Variants in MSLN observed in about 807,000 individuals in gnomAD.
The protein encoded by MSLN is mesothelin.
In MSLN, 82 loss-of-function variants were observed where a neutral mutation model predicts 72.6. That is an observed-to-expected ratio of 1.13 (90% CI 0.94 to 1.36). The LOEUF (loss-of-function observed/expected upper bound fraction) is 1.36, where lower values mean the gene tolerates loss of function less well. Ranked by LOEUF, MSLN falls within the 40% of genes most tolerant of loss-of-function variation. The pLI is 0.00. For synonymous variants in MSLN, 456 were observed against 387.3 expected, an observed-to-expected ratio of 1.18 and a Z score of -2.08; for missense variants, 1,005 against 847.9, an observed-to-expected ratio of 1.19 and a Z score of -2.30.
chr16:766,614 G>A (rs374912140), intron 13 of MSLN, 54 bp from the exon 14 acceptor site: 32 of 1,610,990 alleles, frequency 2.0e-5, no homozygotes, highest in African/African-American at 4.0e-5. Flanking sequence ...TATGCTGGTG[G>A]TGGAGGGATA....
Position 768,517 on chromosome 16 carries a change from C to G in MSLN, c.1735C>G (p.Gln579Glu). The change falls in exon 17 of 18, where the codon CAG becomes GAG. Residue 579 changes from glutamine (Q) to glutamate (E), a missense_variant. By Grantham distance (29) the Gln-to-Glu change is conservative. Coordinates refer to ENST00000545450, the MANE Select transcript of MSLN (RefSeq NM_005823.6). ...DDLDTLGLGL[Q>E]GGIPNGYLVL... is the part of the protein sequence containing the mutation. Reference sequence around the variant, plus strand: ...CCTGGACACGCTGGGGCTGGGGCTACAGGGCGGCATCCCCAACGGCTACCT... The same window carrying G: ...CCTGGACACGCTGGGGCTGGGGCTAGAGGGCGGCATCCCCAACGGCTACCT... 1.3e-6 allele frequency: 2 copies of G among 1,597,870 alleles called. No individual in the cohort carries two copies. Among genetic ancestry groups the G allele is most frequent in the Non-Finnish European group, 1.7e-6 (2 of 1,171,068 alleles).
In MSLN at chr16:768,734, G is replaced by C; in HGVS notation, c.*1G>C. 6.2e-7 allele frequency: 1 copy of C among 1,610,220 alleles called. No individual in the cohort carries two copies. The highest frequency in any genetic ancestry group is 8.5e-7 in the Non-Finnish European group (1 of 1,179,424). On this transcript the variant is annotated 3_prime_UTR_variant, in exon 18 of 18. Transcript: ENST00000545450. Reference sequence around the variant, plus strand: ...GCTCCTAGCCTCCACCCTGGCCTGAGGGCCCCACTCCCTTGCTGGCCCCAG... The same window carrying C: ...GCTCCTAGCCTCCACCCTGGCCTGACGGCCCCACTCCCTTGCTGGCCCCAG...
chr16:763,947 G>C (rs2041569300), intron 5 of MSLN, 76 bp from the exon 6 acceptor site: 1 of 1,570,264 alleles, frequency 6.4e-7, no homozygotes, highest in Non-Finnish European at 8.6e-7. Context: ...AGGTGGGGCT[G>C]TGGGGCTTGG....
Position 766,818 on chromosome 16 carries a change from C to T in MSLN, c.1373+8C>T, listed in dbSNP as rs1188370882. 3 of 1,612,396 alleles carry T rather than the reference C, an allele frequency of 1.9e-6. No individual in the cohort carries two copies. Among genetic ancestry groups the T allele is most frequent in the African/African-American group, 2.7e-5 (2 of 75,040 alleles). On this transcript the variant is annotated splice_region_variant and intron_variant, in intron 14 of 17. Transcript: ENST00000545450. ...GCCCCCCAGCAGCATCTGGTGAGTC[C>T]CCAGAACTCTGCCCGGCAAGGTGGG... is the stretch of plus-strand genomic sequence containing the variant.
Position 766,995 on chromosome 16 carries a change from A to C in MSLN, c.1484A>C (p.Lys495Thr). ...QNMNGSEYFV[K>T]IQSFLGGAPT... ...ATGAACGGGTCCGAATACTTCGTGA[A>C]GATCCAGTCCTTCCTGGGTGAGCCA... The change falls in exon 15 of 18, where the codon AAG becomes ACG. Residue 495 changes from lysine (K) to threonine (T), a missense_variant. Transcript: ENST00000545450. 1 of 1,612,622 alleles carries C rather than the reference A, an allele frequency of 6.2e-7. No homozygotes were observed.
At chr16:767,505 G>T in intron 16 of MSLN, 35 bp downstream of exon 16, 1 of 1,518,842 alleles carries the variant, frequency 6.6e-7, no homozygotes, top group Non-Finnish European at 8.8e-7. Flanking sequence ...TGTGGAGGAG[G>T]GGCCCGTGGA....
chr16:765,628 A>G lies in MSLN; in HGVS notation c.795+11A>G, dbSNP rs1737340. On this transcript the variant is annotated intron_variant, in intron 10 of 17. Coordinates refer to ENST00000545450, the MANE Select transcript of MSLN (RefSeq NM_005823.6). ...CGCAGCATCCCGCAGGTGAGACCCC[A>G]ATCCCCAGCCCGTGGGGATGCCCGG... is the stretch of plus-strand genomic sequence containing the variant. The G allele has an allele frequency of 0.98, 1,565,904 of 1,599,890 alleles. 766,389 individuals are homozygous for G. Among genetic ancestry groups the G allele is most frequent in the East Asian group, 1 (44,752 of 44,756 alleles).
Position 765,093 on chromosome 16 carries a change from G to C in MSLN, c.511-17G>C, listed in dbSNP as rs374307604. The C allele has an allele frequency of 1.3e-4, 202 of 1,605,806 alleles. No individual in the cohort carries two copies. Among genetic ancestry groups the C allele is most frequent in the Admixed American group, 5.0e-4 (30 of 59,798 alleles). ...GGCTCGGCAGTTCCAAAAGCGCTGA[G>C]GCCAGCCTCTCTGCAGGGTGTGCGG... is the stretch of plus-strand genomic sequence containing the variant. On this transcript the variant is annotated splice_polypyrimidine_tract_variant and intron_variant, in intron 8 of 17. Coordinates refer to ENST00000545450, the MANE Select transcript of MSLN (RefSeq NM_005823.6).
rs752763759 is a variant in MSLN, at chr16:764,644, C to T, written c.301-3C>T. On this transcript the variant is annotated splice_polypyrimidine_tract_variant and splice_region_variant and intron_variant, in intron 6 of 17. Transcript: ENST00000545450. The stretch of plus-strand genomic sequence containing the variant: ...CTCTGTGCTGGACTCCCTGCCCCTG[C>T]AGCTGCGCTGTCTGGCTCACCGGCT... 4 of 1,612,072 alleles carry T rather than the reference C, an allele frequency of 2.5e-6. No homozygotes were observed. Among genetic ancestry groups the T allele is most frequent in the Non-Finnish European group, 3.4e-6 (4 of 1,179,434 alleles).
In MSLN at chr16:765,004, C is replaced by T. The variant is rs769554923; in HGVS notation, c.478C>T (p.Gln160Ter). 2.5e-6 allele frequency: 4 copies of T among 1,611,602 alleles called. No individual in the cohort carries two copies. The highest frequency in any genetic ancestry group is 3.3e-5 in the Admixed American group (2 of 59,986). Reference sequence around the variant, plus strand: ...GCTCCCGAGGGGGGCTCCCGAGCGACAGCGGCTGCTGCCTGCGGCTCTGGC... The same window carrying T: ...GCTCCCGAGGGGGGCTCCCGAGCGATAGCGGCTGCTGCCTGCGGCTCTGGC... ...DLLPRGAPERQRLLPAALACW... is the reference protein window; with the variant it reads ...DLLPRGAPER The change falls in exon 8 of 18, where the codon CAG becomes TAG. Residue 160 changes from glutamine (Q) to a stop codon, truncating the protein, a stop_gained. Coordinates refer to ENST00000545450, the MANE Select transcript of MSLN (RefSeq NM_005823.6). LOFTEE classifies it high-confidence loss of function.
intron 9 of MSLN, 57 bp from the exon 10 acceptor site, chr16:765,470 T>C (rs2041594346): frequency 2.6e-6 from 4 of 1,521,758 alleles, no homozygotes; most frequent in South Asian, 1.2e-5. Context: ...GCCTGGCCTC[T>C]TCCCTCTCTG....
chr16:766,638 C>T, intron 13 of MSLN, 30 bp from the exon 14 acceptor site: 1 of 1,611,898 alleles, frequency 6.2e-7, no homozygotes. Context: ...CTCTCCTTGC[C>T]ACAAGGCTCC....
chr16:760,933 AG>A (rs2041528688), intron 1 of MSLN, 112 bp downstream of exon 1: 1 of 152,150 alleles, frequency 6.6e-6, no homozygotes, highest in Admixed American at 6.5e-5. Flanking sequence ...TTAGGGGTAA[AG>A]CTCCCTACCC....
chr16:764,752 C>A, intron 7 of MSLN, 26 bp downstream of exon 7: 8 of 1,588,732 alleles, frequency 5.0e-6, no homozygotes, highest in Non-Finnish European at 6.9e-6. Flanking sequence ...TGAACCCACC[C>A]CCCCGGCTTT....
At chr16:764,000 G>C in intron 5 of MSLN, 23 bp from the exon 6 acceptor site, 2 of 1,594,484 alleles carry the variant, frequency 1.3e-6, no homozygotes, top group Non-Finnish European at 8.5e-7. Flanking sequence ...GATCGTGGGT[G>C]CCCAGCCCGA....
At chr16:768,193 G>C (rs146771576) in intron 16 of MSLN, among the ~76,000 whole-genome samples, 186 bp from the exon 17 acceptor site, 1 of 151,508 alleles carries the variant, frequency 6.6e-6, no homozygotes, top group African/African-American at 2.4e-5. Flanking sequence ...GCATCTTCCC[G>C]TGTGGTGGGG....
intron 9 of MSLN, 49 bp from the exon 10 acceptor site, chr16:765,478 C>T: frequency 6.5e-7 from 1 of 1,545,724 alleles, no homozygotes. Flanking sequence ...TCTTCCCTCT[C>T]TGGGGCTGCA....
In MSLN at chr16:764,135, A is replaced by G. The variant is rs1187383718; in HGVS notation, c.292A>G (p.Thr98Ala). 1.2e-6 allele frequency: 2 copies of G among 1,604,408 alleles called. No individual in the cohort carries two copies. The highest frequency in any genetic ancestry group is 2.2e-5 in the East Asian group (1 of 44,868). The change falls in exon 6 of 18, where the codon ACA (threonine) becomes GCA (alanine). Residue 98 changes from threonine (T) to alanine (A), a missense_variant. Coordinates refer to ENST00000545450, the MANE Select transcript of MSLN (RefSeq NM_005823.6). ...ALAQKNVKLSTEQLRCLAHRL... is the reference protein window; with the variant it reads ...ALAQKNVKLSAEQLRCLAHRL... ...GGCACAGAAGAATGTCAAGCTCTCA[A>G]CAGAGCAGGTCAGTCTCAGTTGGGC...
In MSLN at chr16:766,826, T is replaced by C. The variant is rs1468947848; in HGVS notation, c.1373+16T>C. 4.3e-6 allele frequency: 7 copies of C among 1,612,256 alleles called. No individual in the cohort carries two copies. The highest frequency in any genetic ancestry group is 5.9e-6 in the Non-Finnish European group (7 of 1,179,852). ...GCAGCATCTGGTGAGTCCCCAGAACTCTGCCCGGCAAGGTGGGTCCGTGTG... is the reference window on the plus strand; with the variant it reads ...GCAGCATCTGGTGAGTCCCCAGAACCCTGCCCGGCAAGGTGGGTCCGTGTG... On this transcript the variant is annotated intron_variant, in intron 14 of 17. Transcript: ENST00000545450.
Sources: allele counts gnomAD v4.1 joint callset (sites outside exome capture counted in the v4.1 genomes callset), GRCh38; gene constraint gnomAD v4.1.1; transcripts MANE v1.5; gene names NCBI Gene and HGNC (gene_info 2026-07-23, HGNC 2026-07-21).